The following SAMSN1 variants were observed in gnomAD, a reference collection of about 807,000 sequenced individuals.
SAMSN1 encodes the protein SAM domain-containing protein SAMSN-1.
SAMSN1 carries 31 observed loss-of-function variants against 42.0 expected under a neutral mutation model. The ratio of observed to expected loss-of-function variants is 0.74; its 90% CI spans 0.55 to 1.00. The LOEUF is 1.00. Among genes scored for constraint, SAMSN1 ranks in the 50% least tolerant of loss-of-function variants. The pLI is 0.00. For synonymous variants in SAMSN1, 178 were observed against 151.9 expected (o/e 1.17, Z -1.26); for missense variants, 464 against 439.4 (o/e 1.06, Z -0.50).
chr21:14,624,310 A>T (rs1983102548), intron 2 of SAMSN1, among the ~76,000 whole-genome samples: 1 of 152,172 alleles, frequency 6.6e-6, no homozygotes, highest in Non-Finnish European at 1.5e-5. Context: ...GACACAAAAA[A>T]CCCTTCAAAA....
rs1978461933 is a variant in SAMSN1 at position 14,521,303 on chromosome 21, T to G, written c.58-82A>C. 3.3e-6 allele frequency: 3 copies of G among 898,208 alleles called. No homozygotes were observed. In the East Asian group the frequency reaches 7.9e-5, roughly 24 times the overall value. The allele number at this position is 898,208 out of a possible 1,614,324, so 55.6% of individuals were successfully genotyped here. Reference sequence around the variant, plus strand: ...ACTGATAAGTATATTAGATTATAGTTTAATAAGCACCGTCTCTTGCAAATA... The same window carrying G: ...ACTGATAAGTATATTAGATTATAGTGTAATAAGCACCGTCTCTTGCAAATA... On this transcript the variant is annotated intron_variant, in intron 1 of 7. Coordinates refer to ENST00000400566, the MANE Select transcript of SAMSN1 (RefSeq NM_022136.5).
chr21:14,629,242 C>T (rs995323414), intron 2 of SAMSN1, among the ~76,000 whole-genome samples: 10 of 152,184 alleles, frequency 6.6e-5, no homozygotes, highest in African/African-American at 2.4e-4. Flanking sequence ...TATTTGAAGA[C>T]AAGTGTGTAA....
At chr21:14,582,960 A>G (rs1568819087) in intron 1 of SAMSN1, among the ~76,000 whole-genome samples, 4 of 152,220 alleles carry the variant, frequency 2.6e-5, no homozygotes, top group Admixed American at 6.5e-5. Context: ...TGACATTCTG[A>G]AATTGTCTAT....
At chr21:14,612,600 G>A in intron 4 of SAMSN1, 1 of 531,022 alleles carries the variant, frequency 1.9e-6, no homozygotes, top group South Asian at 1.5e-5. Context: ...GCTACACATG[G>A]AGAGCTGGAA....
intron 2 of SAMSN1, among the ~76,000 whole-genome samples, chr21:14,637,863 C>T (rs1259286882): frequency 2.0e-5 from 3 of 152,156 alleles, no homozygotes; most frequent in Non-Finnish European, 2.9e-5. Context: ...CAAAAGATAG[C>T]CACCTTCTGA....
chr21:14,619,776 G>T (rs969813742), intron 2 of SAMSN1: 1 of 179,110 alleles, frequency 5.6e-6, no homozygotes. Context: ...AAAACTCAGA[G>T]AAAAGTGTAT....
chr21:14,576,995 T>C (rs1981485765), intron 2 of SAMSN1, among the ~76,000 whole-genome samples: 1 of 150,600 alleles, frequency 6.6e-6, no homozygotes, highest in Admixed American at 6.6e-5. Context: ...TTTAGAAATT[T>C]GAGAGGAGGA....
chr21:14,636,656 C>G (rs1472009181), intron 2 of SAMSN1, among the ~76,000 whole-genome samples: 2 of 152,140 alleles, frequency 1.3e-5, no homozygotes, highest in Non-Finnish European at 2.9e-5. Context: ...TGAGACCATC[C>G]TGGCCAACAT....
intron 1 of SAMSN1, among the ~76,000 whole-genome samples, chr21:14,582,765 A>T (rs1981784346): frequency 6.6e-6 from 1 of 152,152 alleles, no homozygotes; most frequent in Non-Finnish European, 1.5e-5. Flanking sequence ...GCCACATACA[A>T]ATAATATGCT....
intron 2 of SAMSN1, 120 bp from the exon 3 acceptor site, chr21:14,517,161 C>T: frequency 2.3e-6 from 2 of 869,152 alleles, no homozygotes; most frequent in Non-Finnish European, 3.4e-6. Flanking sequence ...GTGCAGCAGC[C>T]TCCAAAATTT....
chr21:14,575,492 A>G (rs896450462), intron 2 of SAMSN1, among the ~76,000 whole-genome samples: 5 of 152,190 alleles, frequency 3.3e-5, no homozygotes, highest in African/African-American at 1.2e-4. Context: ...TGGTCCAAAC[A>G]CATTTGCTGA....
At chr21:14,581,774 A>C (rs1981739584) in intron 2 of SAMSN1, among the ~76,000 whole-genome samples, 1 of 152,184 alleles carries the variant, frequency 6.6e-6, no homozygotes, top group Non-Finnish European at 1.5e-5. Flanking sequence ...GGCAGGCCCA[A>C]ATAAAATGCT....
chr21:14,624,953 G>A lies in SAMSN1; in HGVS notation c.157-8937C>T, dbSNP rs553452354. Among the ~76,000 whole-genome samples, 5 of 152,174 alleles carry A rather than the reference G, an allele frequency of 3.3e-5. No individual in the cohort carries two copies. The South Asian group carries it at 1.0e-3, about 32-fold the overall frequency. ...CATGATCAAGTGGGCTTTGTCCCTGGGATGCAAGGCTGGTTCAACATACAT... is the reference window on the plus strand; with the variant it reads ...CATGATCAAGTGGGCTTTGTCCCTGAGATGCAAGGCTGGTTCAACATACAT... On this transcript the variant is annotated intron_variant, in intron 2 of 15. Coordinates refer to the SAMSN1 transcript ENST00000647101.
chr21:14,632,872 A>AGAC (rs1218179710), intron 2 of SAMSN1, among the ~76,000 whole-genome samples: 1 of 152,192 alleles, frequency 6.6e-6, no homozygotes, highest in African/African-American at 2.4e-5. Context: ...TGTTGGCTAT[A>AGAC]GACTGAATGC....
intron 7 of SAMSN1, among the ~76,000 whole-genome samples, chr21:14,492,547 G>T (rs1986736993): frequency 6.6e-6 from 1 of 152,134 alleles, no homozygotes; most frequent in African/African-American, 2.4e-5. Flanking sequence ...TCATTACAAA[G>T]CTATGTGTTG....
intron 2 of SAMSN1, among the ~76,000 whole-genome samples, chr21:14,557,410 A>C (rs554004716): frequency 6.6e-6 from 1 of 152,302 alleles, no homozygotes; most frequent in African/African-American, 2.4e-5. Context: ...GGACAAAGGT[A>C]GAAAGCCTGA....
chr21:14,624,992 T>C (rs1296182532), intron 2 of SAMSN1, among the ~76,000 whole-genome samples: 4 of 152,088 alleles, frequency 2.6e-5, no homozygotes, highest in African/African-American at 9.7e-5. Context: ...TCAATAAACA[T>C]AATCCAGCAT....
intron 1 of SAMSN1, among the ~76,000 whole-genome samples, chr21:14,544,012 C>G (rs895098200): frequency 2.0e-5 from 3 of 152,104 alleles, no homozygotes; most frequent in Admixed American, 6.6e-5. Flanking sequence ...TTTCTATGAG[C>G]CTTTTATTTG....
chr21:14,636,779 G>T (rs1983478408), intron 2 of SAMSN1, among the ~76,000 whole-genome samples: 1 of 152,158 alleles, frequency 6.6e-6, no homozygotes, highest in Admixed American at 6.5e-5. Flanking sequence ...GGGTGGAATT[G>T]CTTGAACCCT....
Sources: allele counts gnomAD v4.1 joint callset (sites outside exome capture counted in the v4.1 genomes callset), GRCh38; gene constraint gnomAD v4.1.1; transcripts MANE v1.5; gene names NCBI Gene and HGNC (gene_info 2026-07-23, HGNC 2026-07-21).